The following SPMAP2 variants were observed in gnomAD, a reference collection of about 807,000 sequenced individuals.
The protein encoded by SPMAP2 is Theg homolog.
chr19:365,495 AGCC>A, the SPMAP2 span, among the ~76,000 whole-genome samples: 1 of 78,056 alleles, frequency 1.3e-5, no homozygotes, highest in Admixed American at 1.1e-4. Context: ...GAAACAGCAC[AGCC>A]ACACACTCGC....
At chr19:367,224 C>A in the SPMAP2 span, 5 of 1,591,382 alleles carry the variant, frequency 3.1e-6, no homozygotes, top group Non-Finnish European at 4.3e-6. Context: ...ACCTGGGACA[C>A]CTGGAAAGAG....
chr19:374,623 G>T, the SPMAP2 span: 1 of 639,762 alleles, frequency 1.6e-6, no homozygotes, highest in Non-Finnish European at 2.6e-6. Flanking sequence ...CTGCTCGCTG[G>T]ATGGAAGACC....
At chr19:374,962 C>T in the SPMAP2 span, among the ~76,000 whole-genome samples, 1 of 152,238 alleles carries the variant, frequency 6.6e-6, no homozygotes, top group African/African-American at 2.4e-5. Context: ...CACACTCCTG[C>T]TGTTTTCTCT....
At chr19:362,321 G>A in the SPMAP2 span, 1 of 1,610,454 alleles carries the variant, frequency 6.2e-7, no homozygotes, top group African/African-American at 1.3e-5. Context: ...TTTGGGCTTG[G>A]CCAGGGAGAT....
At chr19:374,992 T>C in the SPMAP2 span, among the ~76,000 whole-genome samples, 7 of 152,206 alleles carry the variant, frequency 4.6e-5, no homozygotes, top group Non-Finnish European at 1.0e-4. Flanking sequence ...CAGAGCCCCA[T>C]GAGGGCAGGG....
At chr19:375,779 A>G in the SPMAP2 span, 65,893 of 1,609,244 alleles carry the variant, frequency 0.041, 2,243 homozygotes, top group African/African-American at 0.16. Flanking sequence ...CCTCGGGGGG[A>G]AGCTCCTCTT....
chr19:371,823 G>C, the SPMAP2 span, among the ~76,000 whole-genome samples: 1 of 152,216 alleles, frequency 6.6e-6, no homozygotes, highest in Non-Finnish European at 1.5e-5. Flanking sequence ...GCCTCTGCTC[G>C]GAAATAAAGC....
chr19:372,671 G>C, the SPMAP2 span: 3 of 1,614,072 alleles, frequency 1.9e-6, no homozygotes, highest in Non-Finnish European at 2.5e-6. Flanking sequence ...CTCTTGGGCC[G>C]AGACAGTTCC....
the SPMAP2 span, among the ~76,000 whole-genome samples, chr19:369,789 C>T: frequency 6.6e-6 from 1 of 152,120 alleles, no homozygotes; most frequent in African/African-American, 2.4e-5. Context: ...GGGTGGATCT[C>T]GCAAAGAACC....
the SPMAP2 span, among the ~76,000 whole-genome samples, chr19:375,460 G>T: frequency 6.6e-6 from 1 of 152,150 alleles, no homozygotes; most frequent in Non-Finnish European, 1.5e-5. Context: ...CTGCCTCAGG[G>T]CCCAGTGAGG....
chr19:366,983 C>T, the SPMAP2 span: 2 of 1,453,924 alleles, frequency 1.4e-6, no homozygotes, highest in Non-Finnish European at 1.9e-6. Flanking sequence ...CTTCCCTCTG[C>T]CCGCTCTAGG....
chr19:367,290 T>TAAAAG, the SPMAP2 span: 7 of 1,454,392 alleles, frequency 4.8e-6, no homozygotes, highest in Non-Finnish European at 6.4e-6. Context: ...GCCCTGGAGC[T>TAAAAG]GAAGGACCCC....
At chr19:370,908 C>T in the SPMAP2 span, among the ~76,000 whole-genome samples, 6 of 152,116 alleles carry the variant, frequency 3.9e-5, no homozygotes, top group Non-Finnish European at 7.3e-5. Flanking sequence ...GCCAGGAGTC[C>T]GGCCTGAGCT....
At chr19:368,839 G>A in the SPMAP2 span, among the ~76,000 whole-genome samples, 4 of 152,132 alleles carry the variant, frequency 2.6e-5, no homozygotes, top group African/African-American at 4.8e-5. The surrounding 1 kb of genome is among the most constrained non-coding windows in gnomAD (Gnocchi z 4.1). Flanking sequence ...CCAGCCCTGC[G>A]GCTTCCATGC....
At chr19:370,470 T>C in the SPMAP2 span, among the ~76,000 whole-genome samples, 1 of 150,706 alleles carries the variant, frequency 6.6e-6, no homozygotes, top group Non-Finnish European at 1.5e-5. Flanking sequence ...GCCTCCGGAG[T>C]AGTTGGGACT....
At chr19:369,798 C>T in the SPMAP2 span, among the ~76,000 whole-genome samples, 72 of 152,230 alleles carry the variant, frequency 4.7e-4, no homozygotes, top group East Asian at 0.013. Context: ...TCGCAAAGAA[C>T]CTTCTTAAGG....
the SPMAP2 span, chr19:367,098 C>A: frequency 6.2e-7 from 1 of 1,613,026 alleles, no homozygotes; most frequent in Non-Finnish European, 8.5e-7. Context: ...TGGTCTGACA[C>A]ATGTGGCTTG....
chr19:369,745 G>T, the SPMAP2 span, among the ~76,000 whole-genome samples: 54 of 152,354 alleles, frequency 3.5e-4, 1 homozygote, highest in Middle Eastern at 6.8e-3. Flanking sequence ...TTTTGGGATA[G>T]GTGGTGAAGT....
At chr19:375,824 G>A in the SPMAP2 span, 3 of 1,606,952 alleles carry the variant, frequency 1.9e-6, no homozygotes, top group Middle Eastern at 1.6e-4. Flanking sequence ...CATTGTCCAG[G>A]TCCTGGCGTT....
Sources: gnomAD v4.1 joint callset for allele counts (sites outside exome capture counted in the v4.1 genomes callset) on GRCh38, gnomAD v4.1.1 for gene constraint, Gnocchi (gnomAD v3.1) non-coding constraint, MANE v1.5 for transcripts, NCBI Gene and HGNC (gene_info 2026-07-23, HGNC 2026-07-21) for gene names.